Variants in OR2L2 observed in about 807,000 individuals in gnomAD.
The protein encoded by OR2L2 is olfactory receptor family 2 subfamily L member 2.
For missense variants in OR2L2, 378 were observed against 375.2 expected, an observed-to-expected ratio of 1.01 and a Z score of -0.06; for synonymous variants, 156 against 135.4, an observed-to-expected ratio of 1.15 and a Z score of -1.06.
At position 248,031,687 on chromosome 1, in the gene OR2L2, C is replaced by A. The variant is rs116733712; in HGVS notation, c.-97+1452C>A. Among the ~76,000 whole-genome samples, 798 of 152,294 alleles carry A rather than the reference C, an allele frequency of 5.2e-3. 8 individuals carry two copies. Among genetic ancestry groups the A allele is most frequent in the African/African-American group, 0.018 (737 of 41,560 alleles). On this transcript the variant is annotated intron_variant, in intron 1 of 2. Transcript: ENST00000641771. ...TGCCTGATTTTCTTCAAGGTTCCTT[C>A]TCTAGAACTTTTAAGTAAACACAAA...
intron 1 of OR2L2, among the ~76,000 whole-genome samples, chr1:248,031,978 A>C (rs1472408760): frequency 6.6e-6 from 1 of 152,150 alleles, no homozygotes; most frequent in East Asian, 1.9e-4. Context: ...TGCCCTATAT[A>C]AAATACAAAT....
chr1:248,034,429 AC>A lies in OR2L2; in HGVS notation c.-96-1120del, dbSNP rs202170802. Among the ~76,000 whole-genome samples the A allele has an allele frequency of 5.1e-3, 776 of 152,120 alleles. 5 individuals carry two copies. The highest frequency in any genetic ancestry group is 0.017 in the African/African-American group (698 of 41,400). On this transcript the variant is annotated intron_variant, in intron 1 of 2. Transcript: ENST00000641771. The stretch of plus-strand genomic sequence containing the variant: ...GTTTTTCAATTTTGTCCTTAAAAAA[AC>A]GTTTTCCAGATTTTTCGACTATTTA...
chr1:248,036,076 A>T (rs954405924), intron 2 of OR2L2, among the ~76,000 whole-genome samples: 2 of 152,094 alleles, frequency 1.3e-5, no homozygotes, highest in African/African-American at 4.8e-5. Context: ...TTACTTTGTG[A>T]TTTTACATGC....
chr1:248,034,590 CCTTCCAGTCTATAAATACAGAATGTA>C, intron 1 of OR2L2, among the ~76,000 whole-genome samples: 1 of 152,222 alleles, frequency 6.6e-6, no homozygotes, highest in East Asian at 1.9e-4. Flanking sequence ...CAGTGTTAAG[CCTTCCAGTCTATAAATACAGAATGTA>C]TTTCCATTTA....
In OR2L2 at chr1:248,038,542, C is replaced by T; in HGVS notation, c.275C>T (p.Ser92Phe). The T allele has an allele frequency of 1.9e-6, 3 of 1,614,196 alleles. No homozygotes were observed. The highest frequency in any genetic ancestry group is 1.1e-5 in the South Asian group (1 of 91,084). ...TTTCTGTATGGAAACAAGTCTATCT[C>T]CTTCACTGGATGTGGGATTCAGAGT... is the stretch of plus-strand genomic sequence containing the variant. ...YDFLYGNKSI[S>F]FTGCGIQSFF... Residue 92 changes from serine (S) to phenylalanine (F), a missense_variant, in exon 3 of 3, where the codon TCC becomes TTC. By Grantham distance (155) the Ser-to-Phe change is radical. Transcript: ENST00000641771.
chr1:248,032,663 G>A lies in OR2L2; in HGVS notation c.-97+2428G>A, dbSNP rs562083960. Among the ~76,000 whole-genome samples the A allele has an allele frequency of 3.9e-5, 6 of 152,194 alleles. No individual in the cohort carries two copies. In the East Asian group the frequency reaches 1.2e-3, roughly 29 times the overall value. On this transcript the variant is annotated intron_variant, in intron 1 of 2. Transcript: ENST00000641771. ...CATAATGTAATCAAGTTTCATCTAT[G>A]TTGTAGCATGTGTCAAAATTTCTTT...
intron 1 of OR2L2, among the ~76,000 whole-genome samples, chr1:248,031,619 C>T (rs919210484): frequency 2.0e-5 from 3 of 152,298 alleles, no homozygotes; most frequent in Middle Eastern, 3.4e-3. Context: ...CAGAGCTGGG[C>T]TGTAAATTGA....
chr1:248,037,170 TAAC>T (rs1464748004), intron 2 of OR2L2, among the ~76,000 whole-genome samples: 14 of 152,150 alleles, frequency 9.2e-5, no homozygotes, highest in Admixed American at 6.5e-4. Context: ...GTACTTAAAA[TAAC>T]AATTCATTCT....
Position 248,039,893 on chromosome 1 carries a change from G to A in OR2L2, c.*687G>A, listed in dbSNP as rs1454015770. On this transcript the variant is annotated 3_prime_UTR_variant, in exon 3 of 3. Coordinates refer to ENST00000641771, the MANE Select transcript of OR2L2 (RefSeq NM_001385855.1). Reference sequence around the variant, plus strand: ...AGTTTACCTGAGGATAAATAATTATGTTTGTGGAGCAGCCAATTTGGCTTT... The same window carrying A: ...AGTTTACCTGAGGATAAATAATTATATTTGTGGAGCAGCCAATTTGGCTTT... 1 of 152,160 alleles carries A rather than the reference G, an allele frequency of 6.6e-6. No homozygotes were observed. Among genetic ancestry groups the A allele is most frequent in the Non-Finnish European group, 1.5e-5 (1 of 68,032 alleles). The allele number at this position is 152,160 out of a possible 1,614,324, so 9.4% of individuals were successfully genotyped here.
intron 2 of OR2L2, 143 bp from the exon 3 acceptor site, chr1:248,038,104 A>G: frequency 1.9e-6 from 1 of 532,806 alleles, no homozygotes; most frequent in East Asian, 3.0e-5. Flanking sequence ...AAAGTTTATA[A>G]TATGCATTTA....
At position 248,038,804 on chromosome 1, in the gene OR2L2, T is replaced by A; in HGVS notation, c.537T>A (p.Asp179Glu). The part of the protein sequence containing the change: ...KSRAINHFFC[D>E]VPAMLTLACT... ...GAGCCATCAATCATTTTTTCTGTGA[T>A]GTTCCAGCTATGTTGACGCTAGCCT... The change falls in exon 3 of 3, where the codon GAT becomes GAA. Residue 179 changes from aspartate (D) to glutamate (E), a missense_variant. Physicochemically the swap from Asp to Glu is conservative, Grantham distance 45 (BLOSUM62 2). Coordinates refer to ENST00000641771, the MANE Select transcript of OR2L2 (RefSeq NM_001385855.1). The A allele has an allele frequency of 6.2e-7, 1 of 1,614,238 alleles. No individual in the cohort carries two copies. The highest frequency in any genetic ancestry group is 8.5e-7 in the Non-Finnish European group (1 of 1,180,044).
chr1:248,034,792 C>T (rs944238106), intron 1 of OR2L2, among the ~76,000 whole-genome samples: 1 of 152,046 alleles, frequency 6.6e-6, no homozygotes, highest in Non-Finnish European at 1.5e-5. Flanking sequence ...AGTGTATAGC[C>T]ACTTGAAGCC....
At position 248,038,650 on chromosome 1, in the gene OR2L2, C is replaced by G; in HGVS notation, c.383C>G (p.Pro128Arg). ...AYDRYVAICF[P>R]LHYPIRISKR... is the part of the protein sequence containing the mutation. ...GATCGTTATGTGGCCATTTGCTTTC[C>G]TCTCCACTATCCCATCCGTATAAGC... The change falls in exon 3 of 3, where the codon CCT becomes CGT. Residue 128 changes from proline to arginine, a missense_variant. Coordinates refer to ENST00000641771, the MANE Select transcript of OR2L2 (RefSeq NM_001385855.1). 2 of 1,614,174 alleles carry G rather than the reference C, an allele frequency of 1.2e-6. No individual in the cohort carries two copies. The highest frequency in any genetic ancestry group is 1.7e-6 in the Non-Finnish European group (2 of 1,180,026).
intron 1 of OR2L2, among the ~76,000 whole-genome samples, chr1:248,031,259 T>C (rs1662612830): frequency 6.6e-6 from 1 of 152,168 alleles, no homozygotes; most frequent in Non-Finnish European, 1.5e-5. Flanking sequence ...AACAATAATA[T>C]TATATGGTAG....
rs2103100307 is a variant in OR2L2 at position 248,041,455 on chromosome 1, A to C, written c.*2249A>C. Reference sequence around the variant, plus strand: ...ATTCAGGACATAGGCATGGGCAAGGACTTCATGTCTAAAATACCAAAAGCA... The same window carrying C: ...ATTCAGGACATAGGCATGGGCAAGGCCTTCATGTCTAAAATACCAAAAGCA... On this transcript the variant is annotated 3_prime_UTR_variant, in exon 3 of 3. Transcript: ENST00000641771. 6.6e-6 allele frequency: 1 copy of C among 152,364 alleles called. No individual in the cohort carries two copies. Among genetic ancestry groups the C allele is most frequent in the Admixed American group, 6.5e-5 (1 of 15,298 alleles). The allele number at this position is 152,364 out of a possible 1,614,324, so 9.4% of individuals were successfully genotyped here. A position where few individuals can be genotyped will look rare whatever the true frequency, so the allele number is the denominator to read the frequency against.
chr1:248,032,597 A>G (rs905753304), intron 1 of OR2L2, among the ~76,000 whole-genome samples: 1 of 152,180 alleles, frequency 6.6e-6, no homozygotes, highest in African/African-American at 2.4e-5. Context: ...CTGTACATAA[A>G]TTCATACAAT....
At chr1:248,030,373 C>T (rs1662585777) in intron 1 of OR2L2, 138 bp downstream of exon 1, 1 of 152,124 alleles carries the variant, frequency 6.6e-6, no homozygotes, top group Admixed American at 6.6e-5. Flanking sequence ...TCTCTAACAC[C>T]ATTCAGCAGA....
intron 2 of OR2L2, among the ~76,000 whole-genome samples, chr1:248,036,873 A>C (rs145347781): frequency 4.1e-4 from 62 of 152,282 alleles, no homozygotes; most frequent in African/African-American, 1.4e-3. Context: ...ATGGATCTTA[A>C]CAAAAAATTG....
chr1:248,033,186 C>T (rs1662664911), intron 1 of OR2L2, among the ~76,000 whole-genome samples: 1 of 152,114 alleles, frequency 6.6e-6, no homozygotes, highest in African/African-American at 2.4e-5. Context: ...TTCATTTTGC[C>T]ACTGACTATA....
Sources: allele counts gnomAD v4.1 joint callset (sites outside exome capture counted in the v4.1 genomes callset), GRCh38; gene constraint gnomAD v4.1.1; transcripts MANE v1.5; gene names NCBI Gene and HGNC (gene_info 2026-07-23, HGNC 2026-07-21).